TTL: variants seen among roughly 807,000 people sequenced by gnomAD.
TTL encodes tubulin--tyrosine ligase.
A neutral mutation model predicts 41.1 loss-of-function variants in TTL; 10 were observed. The observed-to-expected ratio is 0.24, with a 90% CI of 0.15 to 0.41. The LOEUF (loss-of-function observed/expected upper bound fraction) is 0.41. Among genes scored for constraint, TTL ranks in the 10% least tolerant of loss-of-function variants. The pLI, the probability that TTL is intolerant of heterozygous loss-of-function variation, is 1.00. For missense variants in TTL, 367 were observed against 460.4 expected (o/e 0.80, Z 1.86); for synonymous variants, 175 against 175.5 (o/e 1.00, Z 0.02).
chr2:112,525,766 A>G (rs566065691), intron 6 of TTL, among the ~76,000 whole-genome samples: 1 of 152,264 alleles, frequency 6.6e-6, no homozygotes, highest in African/African-American at 2.4e-5. Context: ...TTCCTAATTG[A>G]ATACCCTTTA....
At chr2:112,492,614 C>T (rs932473274) in intron 2 of TTL, among the ~76,000 whole-genome samples, 6 of 152,124 alleles carry the variant, frequency 3.9e-5, no homozygotes, top group Non-Finnish European at 8.8e-5. Flanking sequence ...ACCTGTAGTC[C>T]CAGCTACTGG....
Position 112,528,769 on chromosome 2 carries a change from C to G in TTL, c.1108C>G (p.Gln370Glu). 6.2e-7 allele frequency: 1 copy of G among 1,614,136 alleles called. No homozygotes were observed. Reference protein sequence around the residue: ...PPPDVEQPQTQPAAFIKL With the variant: ...PPPDVEQPQTEPAAFIKL ...CCCAGATGTGGAGCAACCTCAGACCCAGCCAGCTGCCTTCATCAAGCTGTG... is the reference window on the plus strand; with the variant it reads ...CCCAGATGTGGAGCAACCTCAGACCGAGCCAGCTGCCTTCATCAAGCTGTG... The change falls in exon 7 of 7, where the codon CAG (glutamine) becomes GAG (glutamate). Residue 370 changes from glutamine (Q) to glutamate (E), a missense_variant. Coordinates refer to ENST00000233336, the MANE Select transcript of TTL (RefSeq NM_153712.5).
At chr2:112,513,666 C>A (rs1225861340) in intron 5 of TTL, among the ~76,000 whole-genome samples, 2 of 147,002 alleles carry the variant, frequency 1.4e-5, no homozygotes, top group African/African-American at 5.0e-5. Context: ...TATAAATATA[C>A]AAATAATATT....
chr2:112,503,057 A>G lies in TTL; in HGVS notation c.751A>G (p.Lys251Glu). 1 of 1,614,140 alleles carries G rather than the reference A, an allele frequency of 6.2e-7. No homozygotes were observed. The highest frequency in any genetic ancestry group is 1.3e-5 in the African/African-American group (1 of 75,060). ...TNHCIQKEYS[K>E]NYGKYEEGNE... ...TCACTGCATTCAAAAAGAGTATTCA[A>G]AGAACTACGGGAAGTATGAAGAAGG... is the stretch of plus-strand genomic sequence containing the variant. Residue 251 changes from lysine to glutamate, a missense_variant, in exon 5 of 7, where the codon AAG (lysine) becomes GAG (glutamate). Physicochemically the swap from Lys to Glu is moderately conservative, Grantham distance 56. Coordinates refer to ENST00000233336, the MANE Select transcript of TTL (RefSeq NM_153712.5).
At chr2:112,528,078 G>A (rs1196159729) in intron 6 of TTL, among the ~76,000 whole-genome samples, 1 of 152,130 alleles carries the variant, frequency 6.6e-6, no homozygotes, top group Non-Finnish European at 1.5e-5. Flanking sequence ...TTGAAGCTTA[G>A]TTTGGCTGGA....
chr2:112,533,762 C>T lies in TTL; in HGVS notation c.*4967C>T, dbSNP rs1682551476. ...ACCTAACCTCTTACAGGTCCCACCT[C>T]TCAACACTATTGCAGTAGAGATTAA... On this transcript the variant is annotated 3_prime_UTR_variant, in exon 7 of 7. Coordinates refer to ENST00000233336, the MANE Select transcript of TTL (RefSeq NM_153712.5). 1 of 152,176 alleles carries T rather than the reference C, an allele frequency of 6.6e-6. No homozygotes were observed. Among genetic ancestry groups the T allele is most frequent in the Non-Finnish European group, 1.5e-5 (1 of 68,036 alleles). 9.4% of individuals were successfully genotyped at this position (152,176 alleles called of 1,614,324 possible).
At chr2:112,513,629 A>T (rs1681987133) in intron 5 of TTL, among the ~76,000 whole-genome samples, 1 of 148,908 alleles carries the variant, frequency 6.7e-6, no homozygotes, top group Non-Finnish European at 1.5e-5. Context: ...ATATTTATAC[A>T]AGTATGAATA....
chr2:112,528,892 GA>G lies in TTL; in HGVS notation c.*100del. 9.9e-7 allele frequency: 1 copy of G among 1,011,746 alleles called. No homozygotes were observed. Among genetic ancestry groups the G allele is most frequent in the Admixed American group, 2.0e-5 (1 of 50,702 alleles). 62.7% of individuals were successfully genotyped at this position (1,011,746 alleles called of 1,614,324 possible). On this transcript the variant is annotated 3_prime_UTR_variant, in exon 7 of 7. Coordinates refer to ENST00000233336, the MANE Select transcript of TTL (RefSeq NM_153712.5). ...GCTCTTTATCCAGCCCACAGCAGGG[GA>G]AAGAAAGGCAACTCGCAAAGATGAG... is the stretch of plus-strand genomic sequence containing the variant.
intron 6 of TTL, chr2:112,522,038 C>A (rs942827558): frequency 6.6e-6 from 1 of 152,396 alleles, no homozygotes; most frequent in African/African-American, 2.4e-5. Context: ...AGACCTTTCC[C>A]TCCTCCCGCT....
chr2:112,494,231 G>T lies in TTL; in HGVS notation c.325G>T (p.Val109Phe), dbSNP rs759555440. 1 of 1,614,190 alleles carries T rather than the reference G, an allele frequency of 6.2e-7. No individual in the cohort carries two copies. Among genetic ancestry groups the T allele is most frequent in the Non-Finnish European group, 8.5e-7 (1 of 1,180,036 alleles). ...TTATCCAACCAATCTCAAGACTCCA[G>T]TTGCTCCAGCACAGAATGGAATTCA... is the stretch of plus-strand genomic sequence containing the variant. ...VIYPTNLKTP[V>F]APAQNGIQPP... Residue 109 changes from valine (V) to phenylalanine (F), a missense_variant, in exon 3 of 7, where the codon GTT (valine) becomes TTT (phenylalanine). By Grantham distance (50) the Val-to-Phe change is conservative. Transcript: ENST00000233336.
chr2:112,501,808 G>C (rs1167772764), intron 4 of TTL, among the ~76,000 whole-genome samples: 1 of 150,532 alleles, frequency 6.6e-6, no homozygotes, highest in East Asian at 1.9e-4. Context: ...GGAGGTTGCA[G>C]TGAGCTGAGA....
rs923590608 is a variant in TTL at position 112,533,694 on chromosome 2, G to C, written c.*4899G>C. ...TTCCTGTGATAACTAACCCACTCCTGGCATAACATCATTAATTTATTCATG... is the reference window on the plus strand; with the variant it reads ...TTCCTGTGATAACTAACCCACTCCTCGCATAACATCATTAATTTATTCATG... On this transcript the variant is annotated 3_prime_UTR_variant, in exon 7 of 7. Coordinates refer to ENST00000233336, the MANE Select transcript of TTL (RefSeq NM_153712.5). The C allele has an allele frequency of 2.6e-5, 4 of 152,110 alleles. No individual in the cohort carries two copies. The highest frequency in any genetic ancestry group is 9.7e-5 in the African/African-American group (4 of 41,422). 9.4% of individuals were successfully genotyped at this position (152,110 alleles called of 1,614,324 possible).
chr2:112,518,135 ATTTT>A (rs34617627), intron 5 of TTL, among the ~76,000 whole-genome samples: 2 of 135,936 alleles, frequency 1.5e-5, no homozygotes. Context: ...CAGCCAACTA[ATTTT>A]TTTTTTTTTT....
chr2:112,515,783 T>G (rs533416076), intron 5 of TTL, among the ~76,000 whole-genome samples: 1 of 152,170 alleles, frequency 6.6e-6, no homozygotes, highest in South Asian at 2.1e-4. Flanking sequence ...TCGTCTCTAC[T>G]AAGAAATACA....
At chr2:112,515,948 GAATA>G (rs59842188) in intron 5 of TTL, among the ~76,000 whole-genome samples, 13,116 of 145,252 alleles carry the variant, frequency 0.09, 671 homozygotes, top group Middle Eastern at 0.11. Flanking sequence ...CTCCATCTCA[GAATA>G]AATAAATAAA....
rs904398368 is a variant in TTL at position 112,529,195 on chromosome 2, T to C, written c.*400T>C. The C allele has an allele frequency of 1.6e-5, 5 of 303,812 alleles. No homozygotes were observed. The highest frequency in any genetic ancestry group is 2.5e-5 in the Non-Finnish European group (4 of 160,412). 18.8% of individuals were successfully genotyped at this position (303,812 alleles called of 1,614,324 possible). On this transcript the variant is annotated 3_prime_UTR_variant, in exon 7 of 7. Transcript: ENST00000233336. ...GGACTATGGATTGGACGTCAGAGCA[T>C]ATTGGAGGTTGCCTGTGTGTTCCCC...
chr2:112,527,514 A>C (rs896621324), intron 6 of TTL, among the ~76,000 whole-genome samples: 1 of 152,146 alleles, frequency 6.6e-6, no homozygotes, highest in African/African-American at 2.4e-5. Flanking sequence ...GGGTGCATAT[A>C]TATTTAGGAT....
chr2:112,499,118 G>C (rs1681618670), intron 3 of TTL, among the ~76,000 whole-genome samples: 1 of 152,182 alleles, frequency 6.6e-6, no homozygotes, highest in Non-Finnish European at 1.5e-5. Context: ...TTCGAGACAA[G>C]CCTGGCCAAC....
chr2:112,526,080 G>A (rs1428198797), intron 6 of TTL, among the ~76,000 whole-genome samples: 2 of 152,132 alleles, frequency 1.3e-5, no homozygotes, highest in African/African-American at 4.8e-5. Flanking sequence ...TTATATGATG[G>A]ATTACGTTTA....
Sources: gnomAD v4.1 joint callset for allele counts (sites outside exome capture counted in the v4.1 genomes callset) on GRCh38, gnomAD v4.1.1 for gene constraint, MANE v1.5 for transcripts, NCBI Gene and HGNC (gene_info 2026-07-23, HGNC 2026-07-21) for gene names.